The following SNTG1 variants were observed in gnomAD, a reference collection of about 807,000 sequenced individuals.
SNTG1 encodes gamma-1-syntrophin.
A neutral mutation model predicts 74.7 loss-of-function variants in SNTG1; 39 were observed. That is an observed-to-expected ratio of 0.52 (90% CI 0.40 to 0.68). The LOEUF is 0.68. Among genes scored for constraint, SNTG1 ranks in the 30% least tolerant of loss-of-function variants. The probability of loss-of-function intolerance (pLI) is 0.00; values close to 1 mark genes in which losing one functional copy is unlikely to be tolerated. For missense variants in SNTG1, 685 were observed against 609.5 expected (o/e 1.12, Z -1.30); for synonymous variants, 254 against 217.1 (o/e 1.17, Z -1.49).
chr8:50,609,154 A>T (rs1445905184), intron 13 of SNTG1, among the ~76,000 whole-genome samples: 4 of 152,050 alleles, frequency 2.6e-5, no homozygotes, highest in African/African-American at 9.6e-5. Context: ...CTTTCCTGTG[A>T]ATACAAGTTA....
At chr8:50,641,675 C>T (rs906695897) in intron 13 of SNTG1, among the ~76,000 whole-genome samples, 1 of 152,208 alleles carries the variant, frequency 6.6e-6, no homozygotes, top group African/African-American at 2.4e-5. Context: ...CACTGTTTCA[C>T]TAAATCAAAT....
chr8:50,686,985 A>T lies in SNTG1; in HGVS notation c.1039-17615A>T, dbSNP rs530279335. Among the ~76,000 whole-genome samples, 442 of 151,270 alleles carry T rather than the reference A, an allele frequency of 2.9e-3. 3 individuals are homozygous for T. Among genetic ancestry groups the T allele is most frequent in the African/African-American group, 0.01 (427 of 41,264 alleles). ...CCCGTCTCTACTAAAAATACAAAAA[A>T]TTAGCCGGGCGCAGTGGCGGGCGCC... On this transcript the variant is annotated intron_variant, in intron 15 of 18. Transcript: ENST00000642720.
intron 8 of SNTG1, among the ~76,000 whole-genome samples, chr8:50,457,323 C>T (rs1015272180): frequency 1.3e-5 from 2 of 152,098 alleles, no homozygotes; most frequent in Admixed American, 6.5e-5. Flanking sequence ...TGGATGACAA[C>T]GCATCCACAC....
intron 1 of SNTG1, among the ~76,000 whole-genome samples, chr8:50,161,800 C>T (rs1037527542): frequency 6.6e-6 from 1 of 152,050 alleles, no homozygotes; most frequent in African/African-American, 2.4e-5. Flanking sequence ...ATCAAAACAT[C>T]CTGGATAGCA....
intron 1 of SNTG1, among the ~76,000 whole-genome samples, chr8:50,015,014 G>GA (rs968461972): frequency 0.049 from 6,739 of 136,670 alleles, 498 homozygotes; most frequent in African/African-American, 0.16. Context: ...CACATGCACA[G>GA]AAAAAAAAAA....
chr8:50,795,806 AT>A lies in SNTG1; in HGVS notation c.*2980del. ...TATAATTTGTTAAAATGCAACAAGTATTTATTTAAAAAATAGTTTAATAGAT... is the reference window on the plus strand; with the variant it reads ...TATAATTTGTTAAAATGCAACAAGTATTATTTAAAAAATAGTTTAATAGAT... On this transcript the variant is annotated 3_prime_UTR_variant, in exon 19 of 19. Transcript: ENST00000642720. 3 of 152,224 alleles carry A rather than the reference AT, an allele frequency of 2.0e-5. No individual in the cohort carries two copies. In the South Asian group the frequency reaches 6.2e-4, roughly 32 times the overall value. The allele number at this position is 152,224 out of a possible 1,614,324, so 9.4% of individuals were successfully genotyped here.
chr8:49,936,781 C>A (rs318870), intron 1 of SNTG1, among the ~76,000 whole-genome samples: 132,098 of 152,166 alleles, frequency 0.87, 57,518 homozygotes, highest in East Asian at 1. Context: ...CACAAGGGAA[C>A]TTTTTCAAGC....
intron 18 of SNTG1, among the ~76,000 whole-genome samples, chr8:50,775,401 G>T (rs2131804031): frequency 6.6e-6 from 1 of 151,512 alleles, no homozygotes; most frequent in Admixed American, 6.6e-5. Context: ...GTATATAAAG[G>T]ATTATTTATA....
intron 8 of SNTG1, among the ~76,000 whole-genome samples, chr8:50,476,494 C>T (rs1057093842): frequency 6.6e-6 from 1 of 152,026 alleles, no homozygotes; most frequent in African/African-American, 2.4e-5. Context: ...GATGGCAGAG[C>T]TAAGTTTCTC....
chr8:50,421,635 C>G (rs1241718049), intron 4 of SNTG1, among the ~76,000 whole-genome samples: 2 of 152,012 alleles, frequency 1.3e-5, no homozygotes, highest in African/African-American at 4.8e-5. Context: ...TTTATTTTAC[C>G]CAACCCTTTT....
At chr8:50,567,017 C>T (rs2094519853) in intron 12 of SNTG1, among the ~76,000 whole-genome samples, 6 of 151,996 alleles carry the variant, frequency 3.9e-5, no homozygotes. Flanking sequence ...TAAATGGCAG[C>T]CTCTATTTGT....
chr8:50,432,007 C>A (rs2093242543), intron 4 of SNTG1, among the ~76,000 whole-genome samples: 1 of 152,128 alleles, frequency 6.6e-6, no homozygotes, highest in African/African-American at 2.4e-5. Context: ...GTATCTTTCA[C>A]AAAGCAAAGT....
chr8:50,671,436 TA>T (rs538341620), intron 15 of SNTG1, among the ~76,000 whole-genome samples: 5 of 151,110 alleles, frequency 3.3e-5, no homozygotes, highest in East Asian at 2.0e-4. Flanking sequence ...AAAAGACACA[TA>T]AAAAAATGCT....
intron 2 of SNTG1, among the ~76,000 whole-genome samples, chr8:50,320,021 C>T (rs1386663411): frequency 6.6e-6 from 1 of 152,098 alleles, no homozygotes; most frequent in Non-Finnish European, 1.5e-5. Flanking sequence ...TAATACTGAC[C>T]TGTAGAATAA....
chr8:49,988,806 A>G (rs1813411492), intron 1 of SNTG1, among the ~76,000 whole-genome samples: 1 of 152,064 alleles, frequency 6.6e-6, no homozygotes, highest in Non-Finnish European at 1.5e-5. Flanking sequence ...TTATATGCCT[A>G]TATTTAAAGA....
rs113855811 is a variant in SNTG1 at position 50,110,621 on chromosome 8, C to T, written c.-102-61940C>T. ...GCTTTAGGAACCAACACCAACTGCT[C>T]GAGATGAAGCTTTTTGTCCTTTAAA... On this transcript the variant is annotated intron_variant, in intron 1 of 18. Coordinates refer to ENST00000642720, the MANE Select transcript of SNTG1 (RefSeq NM_018967.5). 2.0e-3 allele frequency among the ~76,000 whole-genome samples: 302 copies of T among 152,232 alleles called. 2 individuals carry two copies. Among genetic ancestry groups the T allele is most frequent in the African/African-American group, 7.0e-3 (290 of 41,536 alleles).
At chr8:50,249,709 A>G (rs2006849922) in intron 2 of SNTG1, among the ~76,000 whole-genome samples, 1 of 152,140 alleles carries the variant, frequency 6.6e-6, no homozygotes, top group Non-Finnish European at 1.5e-5. Flanking sequence ...ACACATCACA[A>G]TCAAGGGTTG....
chr8:50,745,382 G>A (rs900940410), intron 17 of SNTG1, among the ~76,000 whole-genome samples: 60 of 151,968 alleles, frequency 3.9e-4, no homozygotes, highest in Middle Eastern at 3.4e-3. Context: ...AAATCAGAAA[G>A]AAAACAAACA....
At chr8:50,292,624 A>C (rs2089171376) in intron 2 of SNTG1, among the ~76,000 whole-genome samples, 1 of 152,110 alleles carries the variant, frequency 6.6e-6, no homozygotes, top group Admixed American at 6.6e-5. Context: ...TGTGAAAGAC[A>C]ATGAGAAGAT....
Sources: allele counts gnomAD v4.1 joint callset (sites outside exome capture counted in the v4.1 genomes callset), GRCh38; gene constraint gnomAD v4.1.1; transcripts MANE v1.5; gene names NCBI Gene and HGNC (gene_info 2026-07-23, HGNC 2026-07-21).